The following GALNT10 variants were observed in gnomAD, a reference collection of about 807,000 sequenced individuals.
The protein encoded by GALNT10 is polypeptide N-acetylgalactosaminyltransferase 10.
GALNT10 carries 41 observed loss-of-function variants against 75.0 expected under a neutral mutation model. The ratio of observed to expected loss-of-function variants is 0.55; its 90% CI spans 0.43 to 0.71. The LOEUF (loss-of-function observed/expected upper bound fraction) is 0.71, where lower values mean the gene tolerates loss of function less well. Ranked by LOEUF, GALNT10 falls within the 30% of genes least tolerant of loss-of-function variation. GALNT10 has a pLI of 0.00. For missense variants in GALNT10, 727 were observed against 818.5 expected (o/e 0.89, Z 1.36); for synonymous variants, 302 against 313.0 (o/e 0.96, Z 0.37).
chr5:154,339,764 C>A (rs73807620), intron 4 of GALNT10, among the ~76,000 whole-genome samples: 7,618 of 152,206 alleles, frequency 0.05, 494 homozygotes, highest in African/African-American at 0.15. Flanking sequence ...CACGGATATT[C>A]TCCTGATTTT....
intron 7 of GALNT10, among the ~76,000 whole-genome samples, chr5:154,396,366 G>A (rs1756019574): frequency 6.6e-6 from 1 of 152,212 alleles, no homozygotes; most frequent in South Asian, 2.1e-4. Context: ...GTATGGAGAG[G>A]GTAGGAGGTG....
chr5:154,262,483 C>T (rs2113024584), intron 1 of GALNT10, among the ~76,000 whole-genome samples: 1 of 152,154 alleles, frequency 6.6e-6, no homozygotes, highest in East Asian at 1.9e-4. Flanking sequence ...CAATTAACTC[C>T]ATCACTCAAG....
At chr5:154,338,091 TA>T in intron 4 of GALNT10, 1 of 1,143,906 alleles carries the variant, frequency 8.7e-7, no homozygotes, top group African/African-American at 1.5e-5. Context: ...GCATCTTCTT[TA>T]ATGCCACCAG....
chr5:154,294,202 G>A (rs754899269), intron 1 of GALNT10, among the ~76,000 whole-genome samples: 2 of 152,114 alleles, frequency 1.3e-5, no homozygotes, highest in Non-Finnish European at 2.9e-5. Flanking sequence ...TGGTATGGTA[G>A]CACGTACCTG....
At chr5:154,407,808 C>A (rs1390660690) in intron 8 of GALNT10, among the ~76,000 whole-genome samples, 1 of 152,184 alleles carries the variant, frequency 6.6e-6, no homozygotes, top group African/African-American at 2.4e-5. Context: ...TTTTCTAACC[C>A]ACTGTGGACT....
intron 1 of GALNT10, among the ~76,000 whole-genome samples, chr5:154,194,443 A>G (rs895801559): frequency 2.0e-5 from 3 of 152,212 alleles, no homozygotes; most frequent in Non-Finnish European, 4.4e-5. Flanking sequence ...CTCTGTCTGC[A>G]TGCCCAGGTG....
chr5:154,267,967 A>G (rs115569810), intron 1 of GALNT10, among the ~76,000 whole-genome samples: 284 of 152,302 alleles, frequency 1.9e-3, no homozygotes, highest in African/African-American at 6.5e-3. Context: ...TTTCCCCTGA[A>G]GATTATCTTG....
At chr5:154,217,497 T>C (rs1482554718) in intron 1 of GALNT10, among the ~76,000 whole-genome samples, 1 of 152,208 alleles carries the variant, frequency 6.6e-6, no homozygotes, top group Admixed American at 6.5e-5. Context: ...GTGGGGCTGT[T>C]ATCTGAGCTC....
intron 7 of GALNT10, among the ~76,000 whole-genome samples, chr5:154,393,545 A>G (rs2113197659): frequency 1.3e-5 from 2 of 152,346 alleles, no homozygotes; most frequent in Middle Eastern, 6.8e-3. Context: ...AGTTACAAGA[A>G]GAAGGGGCCA....
intron 1 of GALNT10, among the ~76,000 whole-genome samples, chr5:154,237,434 G>A (rs1753264155): frequency 6.6e-6 from 1 of 152,110 alleles, no homozygotes; most frequent in African/African-American, 2.4e-5. Context: ...GTGTGAAAAA[G>A]AATACCATCT....
rs565235534 is a variant in GALNT10 at position 154,293,754 on chromosome 5, C to T, written c.160-1062C>T. On this transcript the variant is annotated intron_variant, in intron 1 of 11. Transcript: ENST00000297107. ...CCATCTGCTTTTGCTTGCGGCACTC[C>T]TTCTCCTTGGGCCACACACAGCTTT... 5.3e-5 allele frequency among the ~76,000 whole-genome samples: 8 copies of T among 151,956 alleles called. No homozygotes were observed. The South Asian group carries it at 1.7e-3, about 32-fold the overall frequency.
chr5:154,201,217 C>G (rs1401522509), intron 1 of GALNT10, among the ~76,000 whole-genome samples: 1 of 152,034 alleles, frequency 6.6e-6, no homozygotes, highest in Non-Finnish European at 1.5e-5. Context: ...TTATGATATG[C>G]AAATTCCCAT....
intron 1 of GALNT10, among the ~76,000 whole-genome samples, chr5:154,258,890 T>C (rs1753655820): frequency 6.6e-6 from 1 of 152,180 alleles, no homozygotes; most frequent in African/African-American, 2.4e-5. Context: ...AAAGTGTTTT[T>C]AGTTACAGAA....
chr5:154,363,396 T>C lies in GALNT10; in HGVS notation c.569-12881T>C, dbSNP rs190324208. 3.1e-4 allele frequency among the ~76,000 whole-genome samples: 45 copies of C among 146,300 alleles called. No individual in the cohort carries two copies. The East Asian group carries it at 8.1e-3, about 26-fold the overall frequency. On this transcript the variant is annotated intron_variant, in intron 4 of 11. Transcript: ENST00000297107. ...ATCCAGAATATTTTATGTCCAAAAA[T>C]GGAGACCACCTGTATCAATTTTGGT...
intron 1 of GALNT10, among the ~76,000 whole-genome samples, chr5:154,225,656 G>A (rs996923522): frequency 9.5e-5 from 10 of 105,054 alleles, no homozygotes; most frequent in African/African-American, 2.4e-4. Context: ...CTCCCACCTC[G>A]GATTCCCAAA....
At chr5:154,212,604 A>C (rs1752781842) in intron 1 of GALNT10, among the ~76,000 whole-genome samples, 1 of 152,258 alleles carries the variant, frequency 6.6e-6, no homozygotes, top group Non-Finnish European at 1.5e-5. Flanking sequence ...CTTAGAAAAA[A>C]TTAAGTAACT....
rs111428474 is a variant in GALNT10 at position 154,244,067 on chromosome 5, A to T, written c.160-50749A>T. Among the ~76,000 whole-genome samples the T allele has an allele frequency of 8.8e-3, 1,346 of 152,324 alleles. 24 individuals carry two copies. The highest frequency in any genetic ancestry group is 0.031 in the African/African-American group (1,279 of 41,574). ...ACCAGAACCAGAGCCCAGGGCTCGG[A>T]CCATGACAGCAAGCACTTAGTTTTC... is the stretch of plus-strand genomic sequence containing the variant. On this transcript the variant is annotated intron_variant, in intron 1 of 11. Transcript: ENST00000297107.
chr5:154,404,361 A>G, intron 8 of GALNT10, 150 bp downstream of exon 8: 1 of 573,652 alleles, frequency 1.7e-6, no homozygotes, highest in Non-Finnish European at 3.1e-6. Context: ...ATTTAAAAGA[A>G]CTCCCTTAAA....
At chr5:154,239,785 G>A (rs1267548036) in intron 1 of GALNT10, among the ~76,000 whole-genome samples, 1 of 152,186 alleles carries the variant, frequency 6.6e-6, no homozygotes, top group Non-Finnish European at 1.5e-5. Flanking sequence ...CATTAATTGG[G>A]CACTTCTGTT....
Sources: gnomAD v4.1 joint callset for allele counts (sites outside exome capture counted in the v4.1 genomes callset) on GRCh38, gnomAD v4.1.1 for gene constraint, MANE v1.5 for transcripts, NCBI Gene and HGNC (gene_info 2026-07-23, HGNC 2026-07-21) for gene names.